Variants in CDK14 observed in about 807,000 individuals in gnomAD.
CDK14 encodes cyclin dependent kinase 14.
CDK14 carries 34 observed loss-of-function variants against 60.7 expected under a neutral mutation model. That is an observed-to-expected ratio of 0.56 (90% CI 0.43 to 0.75). CDK14 has a LOEUF of 0.75. Ranked by LOEUF, CDK14 falls within the 30% of genes least tolerant of loss-of-function variation. The pLI, the probability that CDK14 is intolerant of heterozygous loss-of-function variation, is 0.00. For synonymous variants in CDK14, 197 were observed against 203.7 expected, an observed-to-expected ratio of 0.97 and a Z score of 0.28; for missense variants, 482 against 564.1, an observed-to-expected ratio of 0.85 and a Z score of 1.47.
chr7:90,966,743 A>C (rs1195376191), intron 9 of CDK14, among the ~76,000 whole-genome samples: 1 of 151,728 alleles, frequency 6.6e-6, no homozygotes. Flanking sequence ...ACACATTTTC[A>C]TTTCTCCCCT....
chr7:90,766,810 A>T (rs971708697), intron 4 of CDK14, among the ~76,000 whole-genome samples: 5 of 152,000 alleles, frequency 3.3e-5, no homozygotes, highest in African/African-American at 1.2e-4. Flanking sequence ...CTCTCTCATC[A>T]ACAGCTCTCT....
chr7:91,031,814 C>T (rs996508955), intron 10 of CDK14, among the ~76,000 whole-genome samples: 7 of 152,124 alleles, frequency 4.6e-5, no homozygotes, highest in Admixed American at 1.3e-4. Flanking sequence ...AGGAAATATC[C>T]ATATGGGAAT....
chr7:90,741,548 A>C (rs1803345015), intron 3 of CDK14, among the ~76,000 whole-genome samples: 1 of 152,164 alleles, frequency 6.6e-6, no homozygotes, highest in South Asian at 2.1e-4. Context: ...GGTAGTAGAA[A>C]ATTTTAATAA....
chr7:90,865,951 G>C (rs933432236), intron 6 of CDK14, among the ~76,000 whole-genome samples: 3 of 151,996 alleles, frequency 2.0e-5, no homozygotes, highest in African/African-American at 7.2e-5. Context: ...ATCAATTTTA[G>C]TTAGCCTAGG....
intron 5 of CDK14, among the ~76,000 whole-genome samples, chr7:90,799,927 TAAAG>T (rs1788575226): frequency 1.3e-5 from 2 of 151,820 alleles, no homozygotes; most frequent in Non-Finnish European, 2.9e-5. Flanking sequence ...CATTTTTCAA[TAAAG>T]AAAGGAAGGC....
At chr7:90,615,660 A>G (rs1370296907) in intron 2 of CDK14, among the ~76,000 whole-genome samples, 1 of 152,158 alleles carries the variant, frequency 6.6e-6, no homozygotes, top group African/African-American at 2.4e-5. Flanking sequence ...TGCCCATGGG[A>G]ATGTGCCAAA....
intron 14 of CDK14, among the ~76,000 whole-genome samples, chr7:91,185,351 T>C: frequency 1.7e-5 from 1 of 57,792 alleles, no homozygotes; most frequent in Non-Finnish European, 6.2e-5. Context: ...TTCCAAAACT[T>C]CTATTTTTAA....
intron 4 of CDK14, among the ~76,000 whole-genome samples, chr7:90,749,346 CTCA>C (rs1803726537): frequency 6.6e-6 from 1 of 152,082 alleles, no homozygotes; most frequent in African/African-American, 2.4e-5. Context: ...ACCTGCTCAC[CTCA>C]TCTGGATTGG....
intron 8 of CDK14, among the ~76,000 whole-genome samples, chr7:90,952,356 AT>A (rs1466148038): frequency 6.6e-6 from 1 of 152,054 alleles, no homozygotes; most frequent in African/African-American, 2.4e-5. Flanking sequence ...GTGAGGAGGA[AT>A]TTTTTTATTG....
chr7:90,604,138 G>GTTTTTTT, intron 1 of CDK14, 80 bp from the exon 2 acceptor site: 2 of 884,368 alleles, frequency 2.3e-6, no homozygotes. Flanking sequence ...ATACTGCCTT[G>GTTTTTTT]TTTTTTTTTC....
At chr7:90,638,363 A>T (rs1334944744) in intron 2 of CDK14, among the ~76,000 whole-genome samples, 2 of 152,076 alleles carry the variant, frequency 1.3e-5, no homozygotes, top group African/African-American at 4.8e-5. Flanking sequence ...TTGTCTGTAA[A>T]GTATTTTATT....
intron 3 of CDK14, among the ~76,000 whole-genome samples, chr7:90,734,136 C>T (rs1441558688): frequency 6.6e-6 from 1 of 152,158 alleles, no homozygotes; most frequent in Non-Finnish European, 1.5e-5. Context: ...GAATATTGGC[C>T]TCCACTCTCT....
intron 5 of CDK14, among the ~76,000 whole-genome samples, chr7:90,794,429 C>T (rs1805966998): frequency 6.6e-6 from 1 of 152,106 alleles, no homozygotes; most frequent in Non-Finnish European, 1.5e-5. Context: ...TTATTTCATC[C>T]CTTGTCTACA....
intron 2 of CDK14, among the ~76,000 whole-genome samples, chr7:90,662,289 G>C (rs1477454116): frequency 6.6e-6 from 1 of 152,162 alleles, no homozygotes; most frequent in Non-Finnish European, 1.5e-5. Context: ...TAACTTGTGG[G>C]AAGTCACAGA....
At chr7:91,027,956 C>T (rs78388777) in intron 10 of CDK14, among the ~76,000 whole-genome samples, 12,493 of 93,016 alleles carry the variant, frequency 0.13, 1,382 homozygotes, top group Non-Finnish European at 0.19. Flanking sequence ...CACTCCCCTC[C>T]GCTCCCTTCT....
chr7:91,120,418 TA>T (rs1368002945), intron 14 of CDK14, among the ~76,000 whole-genome samples: 1 of 152,218 alleles, frequency 6.6e-6, no homozygotes, highest in African/African-American at 2.4e-5. Context: ...TCTTCACATA[TA>T]TTTTTTAAAC....
At chr7:90,691,615 A>G (rs1308703678) in intron 2 of CDK14, among the ~76,000 whole-genome samples, 2 of 152,164 alleles carry the variant, frequency 1.3e-5, no homozygotes, top group African/African-American at 4.8e-5. Context: ...GGAAGTTTTC[A>G]GGCAGAGTGA....
intron 2 of CDK14, among the ~76,000 whole-genome samples, chr7:90,649,433 C>CTTTCTTTCTTTCTTTCTT (rs1554427257): frequency 5.9e-5 from 4 of 67,960 alleles, no homozygotes; most frequent in African/African-American, 6.6e-5. Flanking sequence ...TTCTTTCTTT[C>CTTTCTTTCTTTCTTTCTT]TCTTTCCTTC....
At chr7:90,871,391 G>A (rs979324764) in intron 6 of CDK14, among the ~76,000 whole-genome samples, 2 of 152,104 alleles carry the variant, frequency 1.3e-5, no homozygotes, top group Admixed American at 6.6e-5. Flanking sequence ...TGGTGTATGG[G>A]AGTATGCACA....
Sources: allele counts gnomAD v4.1 joint callset (sites outside exome capture counted in the v4.1 genomes callset), GRCh38; gene constraint gnomAD v4.1.1; transcripts MANE v1.5; gene names NCBI Gene and HGNC (gene_info 2026-07-23, HGNC 2026-07-21).